The following SORCS2 variants were observed in gnomAD, a reference collection of about 807,000 sequenced individuals.
SORCS2 encodes the protein sortilin related VPS10 domain containing receptor 2.
Under a neutral mutation model 141.6 loss-of-function variants are expected in SORCS2, and 100 were observed. That is an observed-to-expected ratio of 0.71 (90% CI 0.60 to 0.83). SORCS2 has a LOEUF of 0.83. Ranked by LOEUF, SORCS2 falls within the 40% of genes least tolerant of loss-of-function variation. SORCS2 has a pLI of 0.00. For missense variants in SORCS2, 1,646 were observed against 1,560.2 expected (o/e 1.05, Z -0.93); for synonymous variants, 789 against 676.9 (o/e 1.17, Z -2.57).
intron 2 of SORCS2, among the ~76,000 whole-genome samples, chr4:7,489,683 A>C (rs977204010): frequency 2.0e-5 from 3 of 152,168 alleles, no homozygotes; most frequent in African/African-American, 7.2e-5. Flanking sequence ...GTAATTTGTG[A>C]ATCAAAATAA....
chr4:7,414,867 A>G (rs1289475573), intron 2 of SORCS2, among the ~76,000 whole-genome samples: 1 of 152,128 alleles, frequency 6.6e-6, no homozygotes, highest in Non-Finnish European at 1.5e-5. Context: ...CTTATCAGTT[A>G]ATTGCGCTCC....
chr4:7,302,883 A>G (rs1175686483), intron 1 of SORCS2, among the ~76,000 whole-genome samples: 1 of 152,054 alleles, frequency 6.6e-6, no homozygotes, highest in African/African-American at 2.4e-5. Context: ...ATAAACAAGA[A>G]TATCATCTAA....
At chr4:7,386,094 C>T (rs1723278549) in intron 1 of SORCS2, among the ~76,000 whole-genome samples, 1 of 152,154 alleles carries the variant, frequency 6.6e-6, no homozygotes, top group Non-Finnish European at 1.5e-5. Context: ...CATATGCACA[C>T]ATGCACACAC....
Position 7,434,567 on chromosome 4 carries a change from C to T in SORCS2, c.548+38212C>T, listed in dbSNP as rs199715627. On this transcript the variant is annotated intron_variant, in intron 2 of 26. Transcript: ENST00000507866. Reference sequence around the variant, plus strand: ...GCATCCACCATCCACTTGCATCCGGCTGAAGACTCCTGGCTGGGGAGCCAC... The same window carrying T: ...GCATCCACCATCCACTTGCATCCGGTTGAAGACTCCTGGCTGGGGAGCCAC... 300 of 1,613,496 alleles carry T rather than the reference C, an allele frequency of 1.9e-4. 2 individuals carry two copies. The African/African-American group carries it at 3.7e-3, about 20-fold the overall frequency.
In SORCS2 at chr4:7,458,950, C is replaced by A. The variant is rs184794121; in HGVS notation, c.548+62595C>A. ...TGTGCAAAGGCTTCTCTGCTGGCTG[C>A]GGGGACTGGGCTTGGGCCTGGTGGA... On this transcript the variant is annotated intron_variant, in intron 2 of 26. Coordinates refer to ENST00000507866, the MANE Select transcript of SORCS2 (RefSeq NM_020777.3). Among the ~76,000 whole-genome samples the A allele has an allele frequency of 2.6e-3, 390 of 152,156 alleles. 2 individuals are homozygous for A. The highest frequency in any genetic ancestry group is 8.6e-3 in the African/African-American group (358 of 41,504).
At chr4:7,472,707 C>T (rs144861827) in intron 2 of SORCS2, among the ~76,000 whole-genome samples, 3,153 of 152,256 alleles carry the variant, frequency 0.021, 44 homozygotes, top group African/African-American at 0.047. Context: ...TCACATCCCG[C>T]TGGCCCCATC....
intron 9 of SORCS2, among the ~76,000 whole-genome samples, chr4:7,676,744 AC>A (rs1560475359): frequency 7.0e-5 from 3 of 42,626 alleles, no homozygotes; most frequent in Non-Finnish European, 4.7e-5. Context: ...CCCTCTCTCC[AC>A]CCCCGCCCTG....
intron 3 of SORCS2, among the ~76,000 whole-genome samples, chr4:7,630,713 C>G (rs913167819): frequency 6.6e-6 from 1 of 152,212 alleles, no homozygotes; most frequent in African/African-American, 2.4e-5. Context: ...GGATGAGACA[C>G]TCTGGGAAGA....
intron 1 of SORCS2, among the ~76,000 whole-genome samples, chr4:7,257,929 G>T (rs1017226035): frequency 6.6e-6 from 1 of 152,146 alleles, no homozygotes; most frequent in Non-Finnish European, 1.5e-5. Flanking sequence ...GAGGTCTGGG[G>T]TTGCTGTGTT....
At chr4:7,509,118 A>G (rs1264225585) in intron 2 of SORCS2, among the ~76,000 whole-genome samples, 1 of 152,216 alleles carries the variant, frequency 6.6e-6, no homozygotes, top group African/African-American at 2.4e-5. Flanking sequence ...TACATAGAAC[A>G]GAGTCAGTTA....
At chr4:7,454,102 T>C (rs1204965357) in intron 2 of SORCS2, among the ~76,000 whole-genome samples, 3 of 100,272 alleles carry the variant, frequency 3.0e-5, no homozygotes, top group East Asian at 3.6e-4. Context: ...TGGGGTCAGG[T>C]GCTGTGTTGG....
chr4:7,741,075 A>G lies in SORCS2; in HGVS notation c.*811A>G. On this transcript the variant is annotated 3_prime_UTR_variant, in exon 27 of 27. Coordinates refer to ENST00000507866, the MANE Select transcript of SORCS2 (RefSeq NM_020777.3). ...CTACCAGCAAGCAGCACCATCCCGC[A>G]GGCTTCTCCCACCTGATGGCTGTTC... 1 of 398,738 alleles carries G rather than the reference A, an allele frequency of 2.5e-6. No individual in the cohort carries two copies. The allele number at this position is 398,738 out of a possible 1,614,324, so 24.7% of individuals were successfully genotyped here.
At chr4:7,273,218 A>C (rs551839113) in intron 1 of SORCS2, among the ~76,000 whole-genome samples, 6 of 152,372 alleles carry the variant, frequency 3.9e-5, no homozygotes, top group Non-Finnish European at 8.8e-5. Context: ...AAGGAAAATG[A>C]AGAGTAACTG....
chr4:7,217,726 G>A (rs945904579), intron 1 of SORCS2, among the ~76,000 whole-genome samples: 6 of 152,152 alleles, frequency 3.9e-5, no homozygotes, highest in East Asian at 1.9e-4. Flanking sequence ...GTGACAACAC[G>A]CACACACAAA....
At chr4:7,336,037 C>T (rs1719963004) in intron 1 of SORCS2, among the ~76,000 whole-genome samples, 1 of 152,226 alleles carries the variant, frequency 6.6e-6, no homozygotes. Flanking sequence ...GACTTCCTGT[C>T]ACCATAAGCG....
At chr4:7,647,298 A>G (rs1009603750) in intron 4 of SORCS2, among the ~76,000 whole-genome samples, 2 of 152,212 alleles carry the variant, frequency 1.3e-5, no homozygotes, top group African/African-American at 4.8e-5. Flanking sequence ...TTCTCCATGC[A>G]TGTGGCAGCA....
In SORCS2 at chr4:7,548,497, G is replaced by T. The variant is rs537345944; in HGVS notation, c.648+16868G>T. On this transcript the variant is annotated intron_variant, in intron 3 of 26. Coordinates refer to ENST00000507866, the MANE Select transcript of SORCS2 (RefSeq NM_020777.3). ...GCACTCTGTGGAGTGCTTCATGTCAGGGGGGTTGGTGGCATACAAGCGTTA... is the reference window on the plus strand; with the variant it reads ...GCACTCTGTGGAGTGCTTCATGTCATGGGGGTTGGTGGCATACAAGCGTTA... 4.6e-5 allele frequency among the ~76,000 whole-genome samples: 7 copies of T among 152,296 alleles called. No individual in the cohort carries two copies. In the East Asian group the frequency reaches 1.4e-3, roughly 29 times the overall value.
intron 1 of SORCS2, among the ~76,000 whole-genome samples, chr4:7,220,878 C>G (rs1218870629): frequency 1.3e-5 from 2 of 152,122 alleles, no homozygotes; most frequent in Non-Finnish European, 2.9e-5. Context: ...TTTCTGTCTC[C>G]AGGTTGCCAT....
chr4:7,716,664 C>T (rs529659161), intron 17 of SORCS2, among the ~76,000 whole-genome samples: 2 of 144,928 alleles, frequency 1.4e-5, no homozygotes, highest in East Asian at 4.1e-4. Context: ...CATCCACCAT[C>T]TATCTATTCA....
Sources: allele counts gnomAD v4.1 joint callset (sites outside exome capture counted in the v4.1 genomes callset), GRCh38; gene constraint gnomAD v4.1.1; transcripts MANE v1.5; gene names NCBI Gene and HGNC (gene_info 2026-07-23, HGNC 2026-07-21).